SYTL4: variants seen among roughly 807,000 people sequenced by gnomAD.
The protein encoded by SYTL4 is synaptotagmin like 4.
SYTL4 carries 16 observed loss-of-function variants against 52.7 expected under a neutral mutation model. The observed-to-expected ratio is 0.30, with a 90% CI of 0.21 to 0.46. The LOEUF (loss-of-function observed/expected upper bound fraction) is 0.46. SYTL4 is among the 20% of genes least tolerant of loss of function. The probability of loss-of-function intolerance (pLI) is 1.00; values close to 1 mark genes in which losing one functional copy is unlikely to be tolerated. For missense variants in SYTL4, 423 were observed against 519.9 expected, an observed-to-expected ratio of 0.81 and a Z score of 1.81; for synonymous variants, 160 against 186.6, an observed-to-expected ratio of 0.86 and a Z score of 1.16.
intron 9 of SYTL4, 21 bp from the exon 10 acceptor site, chrX:100,690,659 T>C: frequency 1.8e-6 from 2 of 1,126,442 alleles, no homozygotes; most frequent in Non-Finnish European, 1.2e-6. Flanking sequence ...ATTCAGAAAT[T>C]ATAACTAAGT....
Position 100,690,768 on chromosome X carries a change from T to G in SYTL4, c.642-130A>C, listed in dbSNP as rs17849208. Reference sequence around the variant, plus strand: ...AATAACCAAATTCAGAAGGTACACTTCGCATGTGATTTACCTGGAAGGAAT... The same window carrying G: ...AATAACCAAATTCAGAAGGTACACTGCGCATGTGATTTACCTGGAAGGAAT... On this transcript the variant is annotated intron_variant, in intron 9 of 19. Coordinates refer to ENST00000372989, the MANE Select transcript of SYTL4 (RefSeq NM_001370165.1). 286 of 477,306 alleles carry G rather than the reference T, an allele frequency of 6.0e-4. 2 individuals carry two copies. In the East Asian group the frequency reaches 0.011, roughly 18 times the overall value. 39.3% of individuals were successfully genotyped at this position (477,306 alleles called of 1,213,427 possible). A position where few individuals can be genotyped will look rare whatever the true frequency, so the allele number is the denominator to read the frequency against.
Position 100,714,561 on chromosome X carries a change from G to C in SYTL4, c.-239-9675C>G, listed in dbSNP as rs137934859. ...GGCGTGAGCCACCGTGCCTGGCCAA[G>C]GTTTTTTAATAGAGAATAAACAATA... On this transcript the variant is annotated intron_variant, in intron 2 of 19. Coordinates refer to ENST00000372989, the MANE Select transcript of SYTL4 (RefSeq NM_001370165.1). Among the ~76,000 whole-genome samples, 109 of 103,818 alleles carry C rather than the reference G, an allele frequency of 1.0e-3. No individual in the cohort carries two copies. The East Asian group carries it at 0.011, about 10-fold the overall frequency. The allele number at this position is 103,818 out of a possible 115,157, so 90.2% of individuals were successfully genotyped here.
At chrX:100,685,923 C>G in intron 16 of SYTL4, 67 bp downstream of exon 16, 2 of 1,050,518 alleles carry the variant, frequency 1.9e-6, no homozygotes, top group Non-Finnish European at 2.5e-6. Flanking sequence ...CCAACATAGA[C>G]CAGCAGAGGC....
intron 2 of SYTL4, among the ~76,000 whole-genome samples, chrX:100,723,460 C>T (rs1479705999): frequency 8.9e-6 from 1 of 111,933 alleles, no homozygotes; most frequent in Non-Finnish European, 1.9e-5. Context: ...AGCGTGATCT[C>T]GGCTCACTAC....
chrX:100,680,879 T>C lies in SYTL4; in HGVS notation c.1558+348A>G, dbSNP rs1602748369. Among the ~76,000 whole-genome samples, 3 of 111,349 alleles carry C rather than the reference T, an allele frequency of 2.7e-5. No homozygotes were observed. In the South Asian group the frequency reaches 1.1e-3, roughly 42 times the overall value. The stretch of plus-strand genomic sequence containing the variant: ...CACAGCAGCTGGCATGTTGAATTAC[T>C]CTTCCCCAGCTTTCAACTTCCTGTC... On this transcript the variant is annotated intron_variant, in intron 17 of 19. Transcript: ENST00000372989.
rs902038196 is a variant in SYTL4, at chrX:100,698,324, C to G, written c.539+2573G>C. Among the ~76,000 whole-genome samples, 4 of 111,170 alleles carry G rather than the reference C, an allele frequency of 3.6e-5. No homozygotes were observed. The South Asian group carries it at 1.2e-3, about 33-fold the overall frequency. On this transcript the variant is annotated intron_variant, in intron 8 of 19. Transcript: ENST00000372989. The stretch of plus-strand genomic sequence containing the variant: ...TTCACCGTGTTAGCCAGGATGGTCT[C>G]GATCTCCTGACCTTGTGATCCGCCC...
intron 19 of SYTL4, 146 bp from the exon 20 acceptor site, chrX:100,676,322 C>T: frequency 3.6e-6 from 2 of 562,871 alleles, no homozygotes; most frequent in Non-Finnish European, 5.6e-6. Flanking sequence ...AGTGCTCCCT[C>T]ACCTGTATTC....
rs2083271067 is a variant in SYTL4, at chrX:100,676,023, G to A, written c.*5C>T. ...AGGGCTGGACCTGCAGAAGAGGACAGGGACTCATAAACCCAGCTTCTGCTT... is the reference window on the plus strand; with the variant it reads ...AGGGCTGGACCTGCAGAAGAGGACAAGGACTCATAAACCCAGCTTCTGCTT... On this transcript the variant is annotated 3_prime_UTR_variant, in exon 20 of 20. Transcript: ENST00000372989. The A allele has an allele frequency of 5.0e-6, 6 of 1,208,297 alleles. No homozygotes were observed. The highest frequency in any genetic ancestry group is 6.7e-6 in the Non-Finnish European group (6 of 894,086).
Position 100,700,971 on chromosome X carries a change from G to C in SYTL4, c.465C>G (p.Ser155=). The C allele has an allele frequency of 8.3e-7, 1 of 1,208,458 alleles. No homozygotes were observed. ...CACCCATCTGTGTCTGATGAAGGAGGGACTGTCCCACTGTCTCTCTTTTAC... is the reference window on the plus strand; with the variant it reads ...CACCCATCTGTGTCTGATGAAGGAGCGACTGTCCCACTGTCTCTCTTTTAC... The part of the protein sequence containing the change: ...AVSKRETVGQ[S]LLHQTQMGDI... Residue 155 remains serine (S), a synonymous_variant, in exon 8 of 20, where the codon TCC becomes TCG. Coordinates refer to ENST00000372989, the MANE Select transcript of SYTL4 (RefSeq NM_001370165.1).
At chrX:100,686,890 G>A in intron 14 of SYTL4, 109 bp from the exon 15 acceptor site, 1 of 826,441 alleles carries the variant, frequency 1.2e-6, no homozygotes, top group Non-Finnish European at 1.7e-6. Flanking sequence ...TGTCAAAAAT[G>A]TCACCTCAAG....
At chrX:100,683,379 C>T (rs1490558511) in intron 16 of SYTL4, among the ~76,000 whole-genome samples, 3 of 109,553 alleles carry the variant, frequency 2.7e-5, no homozygotes, top group Non-Finnish European at 3.8e-5. Flanking sequence ...CTGAAGCGAT[C>T]CACCCACCTC....
intron 16 of SYTL4, among the ~76,000 whole-genome samples, chrX:100,682,599 T>G (rs995855859): frequency 9.1e-6 from 1 of 109,665 alleles, no homozygotes; most frequent in Non-Finnish European, 1.9e-5. Flanking sequence ...CCCAGCTACT[T>G]GGGAGGCTGA....
chrX:100,700,738 G>A (rs1316384139), intron 8 of SYTL4, among the ~76,000 whole-genome samples, 159 bp downstream of exon 8: 1 of 112,239 alleles, frequency 8.9e-6, no homozygotes, highest in Non-Finnish European at 1.9e-5. Flanking sequence ...TGAGTAGTGG[G>A]ATTAGGAATG....
intron 14 of SYTL4, 60 bp downstream of exon 14, chrX:100,687,007 A>T: frequency 8.8e-7 from 1 of 1,139,456 alleles, no homozygotes. Flanking sequence ...GAGTGCCCGG[A>T]CAGATGCCGG....
intron 16 of SYTL4, among the ~76,000 whole-genome samples, chrX:100,682,776 T>G (rs17174169): frequency 0.092 from 10,285 of 111,358 alleles, 748 homozygotes; most frequent in East Asian, 0.26. Flanking sequence ...GTTACACGAA[T>G]TTGGATTTGC....
intron 8 of SYTL4, among the ~76,000 whole-genome samples, chrX:100,693,000 G>A (rs1447393680): frequency 1.8e-5 from 2 of 111,614 alleles, no homozygotes; most frequent in Non-Finnish European, 3.8e-5. Context: ...GCACAATCTC[G>A]GCTCACTACA....
intron 2 of SYTL4, among the ~76,000 whole-genome samples, chrX:100,721,904 C>T (rs1453807252): frequency 9.1e-6 from 1 of 110,384 alleles, no homozygotes; most frequent in African/African-American, 3.3e-5. Context: ...TGGATTCAAG[C>T]GATTCTCCTG....
chrX:100,718,859 C>T (rs1261048181), intron 2 of SYTL4, among the ~76,000 whole-genome samples: 1 of 105,343 alleles, frequency 9.5e-6, no homozygotes, highest in East Asian at 3.0e-4. Flanking sequence ...AGTTAGGCAG[C>T]GCCATCTCAG....
At chrX:100,693,879 G>A (rs1024965343) in intron 8 of SYTL4, among the ~76,000 whole-genome samples, 2 of 112,478 alleles carry the variant, frequency 1.8e-5, no homozygotes, top group Admixed American at 1.9e-4. Flanking sequence ...TCTGATACAT[G>A]CTGCAACATG....
Sources: allele counts gnomAD v4.1 joint callset (sites outside exome capture counted in the v4.1 genomes callset), GRCh38; gene constraint gnomAD v4.1.1; transcripts MANE v1.5; gene names NCBI Gene and HGNC (gene_info 2026-07-23, HGNC 2026-07-21).